Variants in CHRNA7 observed in about 807,000 individuals in gnomAD.
CHRNA7 encodes neuronal acetylcholine receptor subunit alpha-7.
CHRNA7 carries 17 observed loss-of-function variants against 48.0 expected under a neutral mutation model. That is an observed-to-expected ratio of 0.35 (90% confidence interval 0.24 to 0.53). The LOEUF (loss-of-function observed/expected upper bound fraction) is 0.53, where lower values mean the gene tolerates loss of function less well. Ranked by LOEUF, CHRNA7 falls within the 20% of genes least tolerant of loss-of-function variation. CHRNA7 has a pLI of 0.92. For missense variants in CHRNA7, 155 were observed against 577.7 expected (o/e 0.27, Z 7.50); for synonymous variants, 75 against 242.3 (o/e 0.31, Z 6.41).
chr15:32,119,525 G>A (rs2050930682), intron 4 of CHRNA7, among the ~76,000 whole-genome samples: 1 of 152,208 alleles, frequency 6.6e-6, no homozygotes, highest in Non-Finnish European at 1.5e-5. Context: ...CATGATGGGA[G>A]GAGCTGGGGA....
intron 4 of CHRNA7, among the ~76,000 whole-genome samples, chr15:32,137,663 A>G (rs1330238621): frequency 1.3e-5 from 2 of 152,242 alleles, no homozygotes; most frequent in African/African-American, 2.4e-5. Flanking sequence ...ATGCATCCTC[A>G]TTCCACTAGA....
At chr15:32,044,253 C>CTCCCTTCCTTCCTTCCTTCCT (rs1555373124) in intron 2 of CHRNA7, among the ~76,000 whole-genome samples, 38 of 141,024 alleles carry the variant, frequency 2.7e-4, no homozygotes, top group African/African-American at 9.5e-4. Context: ...CGATCTTTTC[C>CTCCCTTCCTTCCTTCCTTCCT]TCCTTCCTTC....
chr15:32,030,572 T>G lies in CHRNA7; in HGVS notation c.-23T>G. 1 of 1,477,846 alleles carries G rather than the reference T, an allele frequency of 6.8e-7. No homozygotes were observed. Among genetic ancestry groups the G allele is most frequent in the East Asian group, 3.0e-5 (1 of 33,864 alleles). The allele number at this position is 1,477,846 out of a possible 1,614,324, so 91.5% of individuals were successfully genotyped here. A position where few individuals can be genotyped will look rare whatever the true frequency, so the allele number is the denominator to read the frequency against. On this transcript the variant is annotated 5_prime_UTR_variant, in exon 1 of 10. Coordinates refer to ENST00000306901, the MANE Select transcript of CHRNA7 (RefSeq NM_000746.6). The stretch of plus-strand genomic sequence containing the variant: ...CAGCCGAGACGTGGAGCGCGCCGGC[T>G]CGCTGCAGCTCCGGGACTCAACATG...
At chr15:32,056,203 A>G (rs1276190559) in intron 2 of CHRNA7, among the ~76,000 whole-genome samples, 2 of 152,184 alleles carry the variant, frequency 1.3e-5, no homozygotes, top group Non-Finnish European at 2.9e-5. Context: ...TTTAGTGCTT[A>G]CAGTGTCATA....
chr15:32,089,682 A>G (rs1240520668), intron 2 of CHRNA7, among the ~76,000 whole-genome samples: 1 of 152,188 alleles, frequency 6.6e-6, no homozygotes, highest in Non-Finnish European at 1.5e-5. Context: ...CAACATTTGT[A>G]TCATATCTAA....
chr15:32,077,913 G>A (rs2050159119), intron 2 of CHRNA7, among the ~76,000 whole-genome samples: 1 of 152,158 alleles, frequency 6.6e-6, no homozygotes, highest in South Asian at 2.1e-4. Flanking sequence ...TCATTACCAG[G>A]AGGATAGTAC....
chr15:32,045,383 G>A (rs2049522633), intron 2 of CHRNA7, among the ~76,000 whole-genome samples: 1 of 152,128 alleles, frequency 6.6e-6, no homozygotes, highest in South Asian at 2.1e-4. Context: ...CACCCCATGG[G>A]TACCAGCAAC....
intron 2 of CHRNA7, among the ~76,000 whole-genome samples, chr15:32,050,982 C>A (rs2049661542): frequency 6.6e-6 from 1 of 152,176 alleles, no homozygotes; most frequent in Admixed American, 6.5e-5. Context: ...TCCGCGAATG[C>A]TGCTGTCTGA....
At chr15:32,129,979 G>A (rs1453856285) in intron 4 of CHRNA7, among the ~76,000 whole-genome samples, 1 of 151,748 alleles carries the variant, frequency 6.6e-6, no homozygotes. Context: ...TAGCAATTTG[G>A]CATTCAGTTT....
chr15:32,055,121 A>G (rs2049763177), intron 2 of CHRNA7, among the ~76,000 whole-genome samples: 1 of 152,014 alleles, frequency 6.6e-6, no homozygotes, highest in African/African-American at 2.4e-5. Context: ...TTTAATTAGC[A>G]TTTCCCTGAT....
chr15:32,056,960 C>T (rs1008624235), intron 2 of CHRNA7, among the ~76,000 whole-genome samples: 2 of 152,194 alleles, frequency 1.3e-5, no homozygotes, highest in Non-Finnish European at 2.9e-5. Flanking sequence ...AGAAGAGGTT[C>T]AGAGAGCTTG....
intron 3 of CHRNA7, among the ~76,000 whole-genome samples, chr15:32,104,664 T>A (rs996064662): frequency 6.6e-6 from 1 of 152,144 alleles, no homozygotes; most frequent in East Asian, 1.9e-4. Flanking sequence ...CAAAGAACTT[T>A]TGCCGAATGA....
chr15:32,148,950 C>G (rs1443287231), intron 4 of CHRNA7, among the ~76,000 whole-genome samples: 1 of 152,192 alleles, frequency 6.6e-6, no homozygotes, highest in Non-Finnish European at 1.5e-5. Context: ...CCTACCCCCG[C>G]TAAGGACACG....
At chr15:32,142,768 C>T (rs1165112937) in intron 4 of CHRNA7, among the ~76,000 whole-genome samples, 1 of 151,814 alleles carries the variant, frequency 6.6e-6, no homozygotes, top group African/African-American at 2.4e-5. Flanking sequence ...GGTGATATCC[C>T]CTTTATCATT....
chr15:32,059,360 A>C (rs1425445991), intron 2 of CHRNA7, among the ~76,000 whole-genome samples: 3 of 152,200 alleles, frequency 2.0e-5, no homozygotes, highest in Admixed American at 2.0e-4. Flanking sequence ...ATAGGTGACC[A>C]GTGAGATTTT....
Position 32,031,044 on chromosome 15 carries a change from C to T in CHRNA7, c.195+7C>T, listed in dbSNP as rs1240690600. ...CCTGCAGATCATGGACGTGGTGAGT[C>T]CCGCCTGGCTACAGGGCTGCCCTCT... On this transcript the variant is annotated splice_region_variant and intron_variant, in intron 2 of 9. Coordinates refer to ENST00000306901, the MANE Select transcript of CHRNA7 (RefSeq NM_000746.6). 9 of 1,613,946 alleles carry T rather than the reference C, an allele frequency of 5.6e-6. No individual in the cohort carries two copies. Among genetic ancestry groups the T allele is most frequent in the Non-Finnish European group, 7.6e-6 (9 of 1,179,978 alleles).
chr15:32,051,619 C>T (rs1335001434), intron 2 of CHRNA7, among the ~76,000 whole-genome samples: 2 of 152,126 alleles, frequency 1.3e-5, no homozygotes, highest in South Asian at 2.1e-4. Flanking sequence ...GGCAATGCCT[C>T]GCCCTGCTTC....
At chr15:32,101,413 G>A in intron 3 of CHRNA7, 66 bp downstream of exon 3, 1 of 1,487,392 alleles carries the variant, frequency 6.7e-7, no homozygotes. Context: ...TTCTTGTTCT[G>A]ATACCTGAGA....
In CHRNA7 at chr15:32,138,560, C is replaced by T. The variant is rs1348168068; in HGVS notation, c.351-15347C>T. ...ACCACCCAGAGTCCATAGTTTACAT[C>T]AGGGTTCTCTCTTGGTGGCGTATGG... On this transcript the variant is annotated intron_variant, in intron 4 of 9. Transcript: ENST00000306901. Among the ~76,000 whole-genome samples, 3 of 151,290 alleles carry T rather than the reference C, an allele frequency of 2.0e-5. 1 individual carries two copies. The highest frequency in any genetic ancestry group is 4.2e-4 in the South Asian group (2 of 4,718).
Sources: allele counts gnomAD v4.1 joint callset (sites outside exome capture counted in the v4.1 genomes callset), GRCh38; gene constraint gnomAD v4.1.1; transcripts MANE v1.5; gene names NCBI Gene and HGNC (gene_info 2026-07-23, HGNC 2026-07-21).